Variants in ATG101 observed in about 807,000 individuals in gnomAD.
ATG101 encodes autophagy related 101.
In ATG101, 6 loss-of-function variants were observed where a neutral mutation model predicts 16.7. The ratio of observed to expected loss-of-function variants is 0.36; its 90% confidence interval spans 0.20 to 0.71. The LOEUF is 0.71. Ranked by LOEUF, ATG101 falls within the 30% of genes least tolerant of loss-of-function variation. The pLI is 0.57. For missense variants in ATG101, 200 were observed against 292.5 expected (o/e 0.68, Z 2.31); for synonymous variants, 108 against 118.1 (o/e 0.91, Z 0.56).
At chr12:52,066,036 C>A (rs902470460), upstream of ATG101, among the ~76,000 whole-genome samples, 3 of 152,188 alleles carry the variant, frequency 2.0e-5, no homozygotes, top group African/African-American at 4.8e-5. Context: ...CGCCACCACA[C>A]CTGGCTAGTT....
Position 52,070,099 on chromosome 12 carries a change from C to T in ATG101, c.-350C>T, listed in dbSNP as rs1050419081. On this transcript the variant is annotated 5_prime_UTR_variant, in exon 1 of 4. Transcript: ENST00000336854. The stretch of plus-strand genomic sequence containing the variant: ...GGGAGCTGTTTTAACCGTGTGCCCC[C>T]TCTCCTGTGCCGGCGTGGGCATCCC... 1 of 152,330 alleles carries T rather than the reference C, an allele frequency of 6.6e-6. No homozygotes were observed. The highest frequency in any genetic ancestry group is 1.5e-5 in the Non-Finnish European group (1 of 68,122). 9.4% of individuals were successfully genotyped at this position (152,330 alleles called of 1,614,324 possible). A position where few individuals can be genotyped will look rare whatever the true frequency, so the allele number is the denominator to read the frequency against.
chr12:52,067,894 C>A (rs749009948), upstream of ATG101, among the ~76,000 whole-genome samples: 1 of 151,924 alleles, frequency 6.6e-6, no homozygotes, highest in Non-Finnish European at 1.5e-5. Context: ...CCATGCCCGG[C>A]CCAATTTCTT....
At chr12:52,068,990 CAAAAAAAAAAAA>C (rs869030833), upstream of ATG101, among the ~76,000 whole-genome samples, 144 of 33,518 alleles carry the variant, frequency 4.3e-3, no homozygotes, top group African/African-American at 0.017. Context: ...GACGCCGTCT[CAAAAAAAAAAAA>C]AAAAAAAAAA....
chr12:52,076,669 C>T, intron 3 of ATG101, 117 bp from the exon 4 acceptor site: 1 of 1,237,500 alleles, frequency 8.1e-7, no homozygotes, highest in Non-Finnish European at 1.1e-6. Flanking sequence ...TGTTTCCTTG[C>T]CATGCTTGGA....
At chr12:52,074,654 G>A (rs940705436) in intron 3 of ATG101, among the ~76,000 whole-genome samples, 21 of 150,796 alleles carry the variant, frequency 1.4e-4, no homozygotes, top group Admixed American at 7.9e-4. Flanking sequence ...CACCATGCCC[G>A]GCTAATTTTT....
intron 2 of ATG101, chr12:52,071,080 G>A (rs959487152): frequency 2.0e-5 from 3 of 152,214 alleles, no homozygotes; most frequent in Non-Finnish European, 4.4e-5. Context: ...CAGAATATAG[G>A]AATTGTTTGC....
Position 52,076,827 on chromosome 12 carries a change from G to A in ATG101, c.294G>A (p.Met98Ile). The change falls in exon 4 of 4, where the codon ATG becomes ATA. Residue 98 changes from methionine (M) to isoleucine (I), a missense_variant. Met to Ile is a conservative substitution (Grantham distance 10). Coordinates refer to ENST00000336854, the MANE Select transcript of ATG101 (RefSeq NM_021934.5). ...RNSGGDGLGQ[M>I]SLEFYQKKKS... ...CTGGTGGCGATGGGCTGGGGCAGAT[G>A]TCCTTGGAGTTCTACCAGAAGAAGA... 6.2e-7 allele frequency: 1 copy of A among 1,614,196 alleles called. No homozygotes were observed. Among genetic ancestry groups the A allele is most frequent in the Non-Finnish European group, 8.5e-7 (1 of 1,180,032 alleles).
chr12:52,071,662 C>G lies in ATG101; in HGVS notation c.-77+1179C>G, dbSNP rs113492315. Among the ~76,000 whole-genome samples the G allele has an allele frequency of 9.9e-3, 1,506 of 152,126 alleles. 30 individuals are homozygous for G. The highest frequency in any genetic ancestry group is 0.035 in the African/African-American group (1,439 of 41,504). On this transcript the variant is annotated intron_variant, in intron 2 of 3. Coordinates refer to ENST00000336854, the MANE Select transcript of ATG101 (RefSeq NM_021934.5). ...CAAAACCCTTTCTTTACCAAAAATACAAAAAATTAGCCAGGTGTGGTGGTG... is the reference window on the plus strand; with the variant it reads ...CAAAACCCTTTCTTTACCAAAAATAGAAAAAATTAGCCAGGTGTGGTGGTG...
chr12:52,073,515 A>G (rs1235004190), intron 2 of ATG101, 60 bp from the exon 3 acceptor site: 8 of 1,151,140 alleles, frequency 6.9e-6, no homozygotes, highest in South Asian at 1.5e-5. Flanking sequence ...CCTAGAAGGA[A>G]GTGAACAGAT....
chr12:52,076,726 A>C, intron 3 of ATG101, 60 bp from the exon 4 acceptor site: 5 of 1,557,726 alleles, frequency 3.2e-6, no homozygotes, highest in Non-Finnish European at 4.4e-6. Context: ...TGTGGGAAGC[A>C]GGCCCTCACA....
chr12:52,077,312 G>GC lies in ATG101; in HGVS notation c.*127dup. 1 of 1,134,802 alleles carries GC rather than the reference G, an allele frequency of 8.8e-7. No individual in the cohort carries two copies. The highest frequency in any genetic ancestry group is 1.2e-6 in the Non-Finnish European group (1 of 815,646). 70.3% of individuals were successfully genotyped at this position (1,134,802 alleles called of 1,614,324 possible). On this transcript the variant is annotated 3_prime_UTR_variant, in exon 4 of 4. Transcript: ENST00000336854. ...TCATTGGTGAGACTTGGAAGGGGCA[G>GC]CCCCCGCTGGCTTCTTGGTTTTGTG...
chr12:52,072,462 A>G (rs1376680395), intron 2 of ATG101, among the ~76,000 whole-genome samples: 1 of 152,246 alleles, frequency 6.6e-6, no homozygotes, highest in Admixed American at 6.5e-5. Flanking sequence ...TAGGACATGA[A>G]AAACCGCCCA....
At chr12:52,068,416 G>A (rs1939573887), upstream of ATG101, among the ~76,000 whole-genome samples, 1 of 151,438 alleles carries the variant, frequency 6.6e-6, no homozygotes, top group Admixed American at 6.6e-5. Flanking sequence ...ATGCAGTGGC[G>A]TGATTATAGC....
At position 52,077,103 on chromosome 12, in the gene ATG101, C is replaced by T. The variant is rs1026357133; in HGVS notation, c.570C>T (p.Tyr190=). The change falls in exon 4 of 4, where the codon TAC becomes TAT. Residue 190 remains tyrosine (Y), a synonymous_variant. Coordinates refer to ENST00000336854, the MANE Select transcript of ATG101 (RefSeq NM_021934.5). Reference sequence around the variant, plus strand: ...TGCGGGACGTGCAGCCCTACCTGTACAAGATCTCCTTCCAGATCACTGATG... The same window carrying T: ...TGCGGGACGTGCAGCCCTACCTGTATAAGATCTCCTTCCAGATCACTGATG... The part of the protein sequence containing the change: ...TGLRDVQPYL[Y]KISFQITDAL... The T allele has an allele frequency of 6.2e-6, 10 of 1,614,094 alleles. No homozygotes were observed. In the Middle Eastern group the frequency reaches 4.9e-4, roughly 80 times the overall value.
In ATG101 at chr12:52,077,153, C is replaced by A. The variant is rs1286915774; in HGVS notation, c.620C>A (p.Thr207Asn). Residue 207 changes from threonine (T) to asparagine (N), a missense_variant, in exon 4 of 4, where the codon ACC (threonine) becomes AAC (asparagine). Coordinates refer to ENST00000336854, the MANE Select transcript of ATG101 (RefSeq NM_021934.5). ...TDALGTSVTT[T>N]MRRLIKDTLA... ...GCCCTGGGCACCTCAGTCACCACCA[C>A]CATGCGCAGGCTCATCAAAGACACC... is the stretch of plus-strand genomic sequence containing the variant. 3.7e-6 allele frequency: 6 copies of A among 1,614,058 alleles called. No individual in the cohort carries two copies.
chr12:52,073,798 G>T lies in ATG101; in HGVS notation c.148G>T (p.Val50Leu). 1.2e-6 allele frequency: 2 copies of T among 1,614,260 alleles called. No homozygotes were observed. Among genetic ancestry groups the T allele is most frequent in the Non-Finnish European group, 1.7e-6 (2 of 1,180,048 alleles). The part of the protein sequence containing the change: ...KKEGTYSIGT[V>L]GTQDVDCDFI... ...GGAGGGCACCTACTCCATTGGCACC[G>T]TGGGCACCCAGGATGTTGACTGTGA... Residue 50 changes from valine (V) to leucine (L), a missense_variant, in exon 3 of 4, where the codon GTG becomes TTG. Coordinates refer to ENST00000336854, the MANE Select transcript of ATG101 (RefSeq NM_021934.5).
chr12:52,068,990 CA>C (rs869030833), upstream of ATG101, among the ~76,000 whole-genome samples: 617 of 33,428 alleles, frequency 0.018, no homozygotes, highest in African/African-American at 0.034. Flanking sequence ...GACGCCGTCT[CA>C]AAAAAAAAAA....
intron 2 of ATG101, among the ~76,000 whole-genome samples, chr12:52,072,897 C>A (rs185418759): frequency 6.6e-6 from 1 of 152,126 alleles, no homozygotes; most frequent in Non-Finnish European, 1.5e-5. Context: ...CTCAGCCCCT[C>A]AAGTAACTGG....
intron 2 of ATG101, chr12:52,071,039 G>C (rs1220399786): frequency 6.6e-6 from 1 of 152,242 alleles, no homozygotes; most frequent in Non-Finnish European, 1.5e-5. Context: ...CCATTATAGT[G>C]ATGAATGGAA....
Sources: gnomAD v4.1 joint callset for allele counts (sites outside exome capture counted in the v4.1 genomes callset) on GRCh38, gnomAD v4.1.1 for gene constraint, MANE v1.5 for transcripts, NCBI Gene and HGNC (gene_info 2026-07-23, HGNC 2026-07-21) for gene names.